Variants in DMD observed in about 807,000 individuals in gnomAD.
DMD encodes the protein dystrophin.
DMD carries 63 observed loss-of-function variants against 330.1 expected under a neutral mutation model. The observed-to-expected ratio is 0.19, with a 90% CI of 0.16 to 0.24. DMD has a LOEUF of 0.24. DMD is among the 10% of genes least tolerant of loss of function. The probability of loss-of-function intolerance (pLI) is 1.00; values close to 1 mark genes in which losing one functional copy is unlikely to be tolerated. For synonymous variants in DMD, 1,223 were observed against 959.8 expected (o/e 1.27, Z -5.07); for missense variants, 3,344 against 2,684.1 (o/e 1.25, Z -5.43).
chrX:31,686,308 G>A lies in DMD; in HGVS notation c.7661-6722C>T, dbSNP rs367551754. Among the ~76,000 whole-genome samples the A allele has an allele frequency of 6.2e-5, 7 of 112,045 alleles. No individual in the cohort carries two copies. In the East Asian group the frequency reaches 1.1e-3, roughly 18 times the overall value. On this transcript the variant is annotated intron_variant, in intron 52 of 78. Transcript: ENST00000357033. ...TTTCTCTTTATAATGATATAAAAAT[G>A]CCATTTCTAAAGTTAACCTTTGCCC...
chrX:32,774,507 G>A (rs988207552), intron 7 of DMD, among the ~76,000 whole-genome samples: 2 of 111,490 alleles, frequency 1.8e-5, no homozygotes, highest in Non-Finnish European at 3.8e-5. Flanking sequence ...TCACAGTTCC[G>A]CATGGCTGGG....
At chrX:32,844,901 G>C (rs2080519696) in intron 3 of DMD, 41 bp from the exon 4 acceptor site, 1 of 1,046,511 alleles carries the variant, frequency 9.6e-7, no homozygotes, top group South Asian at 1.9e-5. Flanking sequence ...CCAGCAGAGA[G>C]ACCGACAATC....
intron 44 of DMD, among the ~76,000 whole-genome samples, chrX:31,985,632 T>C (rs2095503981): frequency 8.9e-6 from 1 of 112,520 alleles, no homozygotes; most frequent in African/African-American, 3.2e-5. Flanking sequence ...ATTTGTTCAG[T>C]AAATATTTAT....
chrX:32,761,141 T>C (rs1569512653), intron 7 of DMD, among the ~76,000 whole-genome samples: 1 of 112,230 alleles, frequency 8.9e-6, no homozygotes, highest in African/African-American at 3.2e-5. Context: ...CCTGTGACTT[T>C]AATAATGTTG....
intron 61 of DMD, among the ~76,000 whole-genome samples, chrX:31,337,120 T>C (rs1278770152): frequency 1.8e-5 from 2 of 109,519 alleles, no homozygotes; most frequent in Non-Finnish European, 3.8e-5. Flanking sequence ...AGACAGGGTT[T>C]CACCATGTTG....
chrX:33,286,016 A>G (rs1318562200), intron 1 of DMD, among the ~76,000 whole-genome samples: 1 of 112,206 alleles, frequency 8.9e-6, no homozygotes, highest in East Asian at 2.8e-4. Context: ...AAAAGATGAG[A>G]CTACTTGAGA....
Position 32,864,808 on chromosome X carries a change from TATCA to T in DMD, c.94-14992_94-14989del, listed in dbSNP as rs201994412. On this transcript the variant is annotated intron_variant, in intron 2 of 78. Coordinates refer to ENST00000357033, the MANE Select transcript of DMD (RefSeq NM_004006.3). ...CTTTTTATATTAACTAAAGAAGAAA[TATCA>T]TTCAACAAAAACTTAAGGCTATATA... 9.2e-3 allele frequency among the ~76,000 whole-genome samples: 1,026 copies of T among 111,997 alleles called. 14 individuals are homozygous for T. The highest frequency in any genetic ancestry group is 0.031 in the African/African-American group (961 of 30,827).
chrX:32,521,751 C>T (rs899302738), intron 17 of DMD, among the ~76,000 whole-genome samples: 3 of 112,174 alleles, frequency 2.7e-5, no homozygotes, highest in Middle Eastern at 4.2e-3. Context: ...TAATTAGCAT[C>T]ACCATCCCTC....
chrX:31,924,520 C>T (rs2094740826), intron 47 of DMD, among the ~76,000 whole-genome samples: 1 of 111,876 alleles, frequency 8.9e-6, no homozygotes, highest in African/African-American at 3.2e-5. Flanking sequence ...TTAGATACAG[C>T]CAACTGTATA....
intron 74 of DMD, among the ~76,000 whole-genome samples, chrX:31,152,475 A>C (rs779303178): frequency 1.8e-5 from 2 of 111,288 alleles, no homozygotes; most frequent in South Asian, 7.7e-4. Context: ...GAGCATCTTA[A>C]ATGTAAGTAA....
chrX:32,649,250 C>T (rs189075684), intron 9 of DMD, among the ~76,000 whole-genome samples: 316 of 109,682 alleles, frequency 2.9e-3, no homozygotes, highest in South Asian at 9.7e-3. Context: ...TTGAAGACAT[C>T]GCTCATTAAA....
intron 60 of DMD, among the ~76,000 whole-genome samples, chrX:31,375,945 C>G (rs780945938): frequency 8.0e-5 from 9 of 111,885 alleles, no homozygotes; most frequent in Non-Finnish European, 1.5e-4. Context: ...AAGCAGGTAC[C>G]TTTTCTGGCT....
chrX:32,617,609 A>AT (rs2057683753), intron 11 of DMD, among the ~76,000 whole-genome samples: 1 of 111,542 alleles, frequency 9.0e-6, no homozygotes, highest in South Asian at 3.7e-4. Flanking sequence ...CTCTCAATCT[A>AT]TTAGTAGAAA....
At chrX:31,188,623 G>T (rs1277898918) in intron 67 of DMD, among the ~76,000 whole-genome samples, 1 of 111,911 alleles carries the variant, frequency 8.9e-6, no homozygotes, top group Non-Finnish European at 1.9e-5. Context: ...TGCTTTTGCT[G>T]TTGTTTTGGC....
chrX:32,033,637 GA>G (rs1432928946), intron 44 of DMD, among the ~76,000 whole-genome samples: 109 of 52,584 alleles, frequency 2.1e-3, no homozygotes, highest in Admixed American at 3.8e-3. Flanking sequence ...AAGAAAGAAA[GA>G]AAGAAAGAAA....
At chrX:32,830,441 A>T (rs1427864580) in intron 4 of DMD, among the ~76,000 whole-genome samples, 1 of 111,587 alleles carries the variant, frequency 9.0e-6, no homozygotes, top group Non-Finnish European at 1.9e-5. Flanking sequence ...CAAAACAGAA[A>T]ACATTAATAT....
At chrX:33,211,598 G>A (rs554714095), upstream of DMD, 135 of 972,396 alleles carry the variant, frequency 1.4e-4, 1 homozygote, top group South Asian at 1.7e-3. Context: ...CAGGACCTGC[G>A]CACAAGCAAG....
intron 2 of DMD, among the ~76,000 whole-genome samples, chrX:32,935,125 C>G (rs892744134): frequency 4.5e-5 from 5 of 112,250 alleles, no homozygotes; most frequent in African/African-American, 1.6e-4. Context: ...ACTACAGGCG[C>G]CCGCCACCAC....
At chrX:32,878,220 A>G (rs895189074) in intron 2 of DMD, among the ~76,000 whole-genome samples, 2 of 111,008 alleles carry the variant, frequency 1.8e-5, no homozygotes, top group Non-Finnish European at 3.8e-5. Context: ...TCTAATAAAA[A>G]GACAAAAATT....
Sources: gnomAD v4.1 joint callset for allele counts (sites outside exome capture counted in the v4.1 genomes callset) on GRCh38, gnomAD v4.1.1 for gene constraint, MANE v1.5 for transcripts, NCBI Gene and HGNC (gene_info 2026-07-23, HGNC 2026-07-21) for gene names.